The following CSMD3 variants were observed in gnomAD, a reference collection of about 807,000 sequenced individuals.
The protein encoded by CSMD3 is CUB and sushi domain-containing protein 3.
In CSMD3, 177 loss-of-function variants were observed where a neutral mutation model predicts 435.2. The ratio of observed to expected loss-of-function variants is 0.41; its 90% CI spans 0.36 to 0.46. The LOEUF is 0.46. CSMD3 is among the 20% of genes least tolerant of loss of function. The pLI, the probability that CSMD3 is intolerant of heterozygous loss-of-function variation, is 0.34. For missense variants in CSMD3, 4,265 were observed against 4,504.6 expected (o/e 0.95, Z 1.52); for synonymous variants, 1,656 against 1,520.5 (o/e 1.09, Z -2.07).
chr8:112,579,605 T>C (rs1028521554), intron 23 of CSMD3, among the ~76,000 whole-genome samples: 12 of 152,068 alleles, frequency 7.9e-5, no homozygotes, highest in African/African-American at 2.2e-4. Context: ...AATTGTAATA[T>C]AACTTAATTT....
chr8:112,829,885 GCACACACACACACACACA>G (rs57982384), intron 11 of CSMD3, 96 bp from the exon 12 acceptor site: 88 of 600,168 alleles, frequency 1.5e-4, no homozygotes, highest in East Asian at 1.1e-3. Flanking sequence ...TTGTCTCTCT[GCACACACACACACACACA>G]CACACACACA....
intron 18 of CSMD3, among the ~76,000 whole-genome samples, chr8:112,653,660 CTTTT>C (rs71309782): frequency 7.7e-6 from 1 of 130,164 alleles, no homozygotes. Flanking sequence ...ATAATCTTAT[CTTTT>C]TTTTTTTTTT....
At chr8:113,283,878 T>A (rs911513986) in intron 2 of CSMD3, among the ~76,000 whole-genome samples, 8 of 152,126 alleles carry the variant, frequency 5.3e-5, no homozygotes, top group African/African-American at 1.9e-4. Context: ...TATACACATA[T>A]CATATATATG....
chr8:112,894,781 C>T (rs1250463342), intron 10 of CSMD3, among the ~76,000 whole-genome samples: 1 of 150,534 alleles, frequency 6.6e-6, no homozygotes, highest in Non-Finnish European at 1.5e-5. Flanking sequence ...GTATTAATTG[C>T]TTGGAAAATA....
chr8:112,406,535 G>C lies in CSMD3; in HGVS notation c.5798C>G (p.Pro1933Arg). 1 of 1,605,406 alleles carries C rather than the reference G, an allele frequency of 6.2e-7. No individual in the cohort carries two copies. The highest frequency in any genetic ancestry group is 8.5e-7 in the Non-Finnish European group (1 of 1,173,062). The change falls in exon 35 of 71, where the codon CCT becomes CGT. Residue 1933 changes from proline to arginine, a missense_variant. Pro to Arg is a moderately radical substitution (Grantham distance 103, BLOSUM62 -2). This residue lies in a region of CSMD3 where 3,255 missense variants were observed against 3,380.2 expected (regional missense o/e 0.96). Coordinates refer to ENST00000297405, the MANE Select transcript of CSMD3 (RefSeq NM_198123.2). ...ATTTATATACTCACCAATACAAGTAGGTAAGGAATCATTCCACTGGGCCAA... is the reference window on the plus strand; with the variant it reads ...ATTTATATACTCACCAATACAAGTACGTAAGGAATCATTCCACTGGGCCAA... ...NSLAQWNDSL[P>R]TCIVPCGGIL...
At chr8:113,377,552 A>G (rs2094393693) in intron 1 of CSMD3, among the ~76,000 whole-genome samples, 1 of 152,160 alleles carries the variant, frequency 6.6e-6, no homozygotes, top group Non-Finnish European at 1.5e-5. Context: ...CATTTGAGCT[A>G]TATTTTTAAT....
chr8:113,412,152 C>G lies in CSMD3; in HGVS notation c.178+24525G>C, dbSNP rs550813903. Among the ~76,000 whole-genome samples the G allele has an allele frequency of 3.9e-5, 6 of 152,034 alleles. No homozygotes were observed. In the South Asian group the frequency reaches 1.2e-3, roughly 32 times the overall value. ...TACAAGAGAGGAGAAATCACTTGGC[C>G]GGAAATGTTTATTAAGTCAATCTCT... On this transcript the variant is annotated intron_variant, in intron 1 of 70. Transcript: ENST00000297405.
rs1244735950 is a variant in CSMD3, at chr8:112,318,961, A to C, written c.7247-11T>G. ...ACCTAATAATATCACCTATTAAACA[A>C]AAGAGGGGAGGTTTCATATAAGCAA... On this transcript the variant is annotated splice_polypyrimidine_tract_variant and intron_variant, in intron 46 of 70. Coordinates refer to ENST00000297405, the MANE Select transcript of CSMD3 (RefSeq NM_198123.2). 1 of 1,477,360 alleles carries C rather than the reference A, an allele frequency of 6.8e-7. No homozygotes were observed. Among genetic ancestry groups the C allele is most frequent in the Non-Finnish European group, 9.5e-7 (1 of 1,057,952 alleles). The allele number at this position is 1,477,360 out of a possible 1,614,324, so 91.5% of individuals were successfully genotyped here.
At chr8:112,557,997 T>C (rs916555592) in intron 24 of CSMD3, among the ~76,000 whole-genome samples, 123 of 151,826 alleles carry the variant, frequency 8.1e-4, no homozygotes, top group Non-Finnish European at 1.4e-3. Context: ...TAACTGCAAG[T>C]AGTGTTAGAA....
At chr8:112,884,004 T>C (rs1198940429) in intron 10 of CSMD3, among the ~76,000 whole-genome samples, 5 of 151,940 alleles carry the variant, frequency 3.3e-5, no homozygotes, top group African/African-American at 1.2e-4. Flanking sequence ...TGGTTAAATC[T>C]GTCTGCATCA....
chr8:112,997,723 T>C (rs1051401785), intron 6 of CSMD3, among the ~76,000 whole-genome samples: 4 of 151,598 alleles, frequency 2.6e-5, no homozygotes, highest in South Asian at 2.1e-4. Context: ...ATCTCTCCTA[T>C]TAATTTGGTT....
At chr8:112,652,701 G>A (rs1315717813) in intron 18 of CSMD3, among the ~76,000 whole-genome samples, 1 of 152,100 alleles carries the variant, frequency 6.6e-6, no homozygotes, top group East Asian at 1.9e-4. Flanking sequence ...GCAAGGCAAT[G>A]GAAATGTTGC....
intron 20 of CSMD3, 122 bp from the exon 21 acceptor site, chr8:112,639,033 T>C (rs572564908): frequency 1.5e-6 from 1 of 687,446 alleles, no homozygotes; most frequent in South Asian, 1.7e-5. Flanking sequence ...ATGAGAGGCA[T>C]TGCTATAAAA....
rs368492443 is a variant in CSMD3 at position 112,988,989 on chromosome 8, T to C, written c.1031-12841A>G. On this transcript the variant is annotated intron_variant, in intron 6 of 70. Coordinates refer to ENST00000297405, the MANE Select transcript of CSMD3 (RefSeq NM_198123.2). Reference sequence around the variant, plus strand: ...CATTCACGTATTCACTCAACAAGTATTTATTGTCTTAGGTCATTTATTCAT... The same window carrying C: ...CATTCACGTATTCACTCAACAAGTACTTATTGTCTTAGGTCATTTATTCAT... 2.6e-4 allele frequency among the ~76,000 whole-genome samples: 39 copies of C among 152,202 alleles called. 2 individuals carry two copies. In the South Asian group the frequency reaches 7.7e-3, roughly 30 times the overall value.
intron 10 of CSMD3, among the ~76,000 whole-genome samples, chr8:112,875,429 G>A (rs183994977): frequency 1.1e-4 from 17 of 152,156 alleles, no homozygotes; most frequent in African/African-American, 3.6e-4. Flanking sequence ...TATCTTTGTG[G>A]TGGTCTTTGT....
At chr8:112,727,880 A>T (rs1163477040) in intron 13 of CSMD3, among the ~76,000 whole-genome samples, 1 of 151,896 alleles carries the variant, frequency 6.6e-6, no homozygotes, top group Non-Finnish European at 1.5e-5. Flanking sequence ...TCATTAACCA[A>T]AAAACATAGC....
intron 59 of CSMD3, among the ~76,000 whole-genome samples, chr8:112,277,028 T>G (rs1017189331): frequency 4.6e-5 from 7 of 152,106 alleles, no homozygotes; most frequent in Admixed American, 6.6e-5. Context: ...CAGACTTCTC[T>G]CTTGTGCTCT....
intron 13 of CSMD3, among the ~76,000 whole-genome samples, chr8:112,717,919 G>A (rs2076769372): frequency 6.6e-6 from 1 of 152,070 alleles, no homozygotes; most frequent in Admixed American, 6.6e-5. Flanking sequence ...TCAGGGGGTG[G>A]AGGGCAAGGA....
chr8:113,305,461 A>G (rs56169554), intron 2 of CSMD3, among the ~76,000 whole-genome samples: 2,341 of 152,314 alleles, frequency 0.015, 24 homozygotes, highest in Middle Eastern at 0.1. Flanking sequence ...GGCTAATGGA[A>G]GTAAACCTTT....
Sources: gnomAD v4.1 joint callset for allele counts (sites outside exome capture counted in the v4.1 genomes callset) on GRCh38, gnomAD v4.1.1 for gene constraint, gnomAD v4.1.1 regional missense constraint, MANE v1.5 for transcripts, NCBI Gene and HGNC (gene_info 2026-07-23, HGNC 2026-07-21) for gene names.